Variants in SEPTIN3 observed in about 807,000 individuals in gnomAD.
The protein encoded by SEPTIN3 is septin 3.
Under a neutral mutation model 45.1 loss-of-function variants are expected in SEPTIN3, and 15 were observed. The observed-to-expected ratio is 0.33, with a 90% CI of 0.22 to 0.51. The LOEUF is 0.51. Among genes scored for constraint, SEPTIN3 ranks in the 20% least tolerant of loss-of-function variants. The pLI, the probability that SEPTIN3 is intolerant of heterozygous loss-of-function variation, is 0.97. For synonymous variants in SEPTIN3, 148 were observed against 164.8 expected (o/e 0.90, Z 0.78); for missense variants, 289 against 457.2 (o/e 0.63, Z 3.35).
intron 3 of SEPTIN3, 45 bp downstream of exon 3, chr22:41,981,881 A>G (rs753752936): frequency 1.9e-6 from 3 of 1,553,712 alleles, no homozygotes; most frequent in Non-Finnish European, 2.7e-6. Flanking sequence ...GGCGGGCAGC[A>G]CCAAGGATCC....
chr22:41,995,321 G>A, intron 11 of SEPTIN3: 1 of 990,100 alleles, frequency 1.0e-6, no homozygotes, highest in Non-Finnish European at 1.2e-6. Flanking sequence ...AGAGAAGTAG[G>A]CCAGAGCTGG....
chr22:41,987,815 C>G, intron 6 of SEPTIN3, 56 bp downstream of exon 6: 2 of 1,562,548 alleles, frequency 1.3e-6, no homozygotes, highest in Non-Finnish European at 1.7e-6. Context: ...ATCATCTGTG[C>G]CCATCTGGAT....
intron 2 of SEPTIN3, among the ~76,000 whole-genome samples, chr22:41,973,714 C>G (rs777751121): frequency 6.6e-6 from 1 of 151,732 alleles, no homozygotes; most frequent in African/African-American, 2.4e-5. Context: ...GGCACAGTGG[C>G]GCACACCTGT....
intron 2 of SEPTIN3, among the ~76,000 whole-genome samples, chr22:41,974,097 G>A (rs930221982): frequency 6.6e-6 from 1 of 151,534 alleles, no homozygotes; most frequent in African/African-American, 2.4e-5. Context: ...AGGAGGTCGA[G>A]GCTGCAGTGA....
chr22:41,987,527 G>A, intron 5 of SEPTIN3, 95 bp from the exon 6 acceptor site: 1 of 1,439,038 alleles, frequency 6.9e-7, no homozygotes. Flanking sequence ...ACCAGGGAAT[G>A]ACATGAATGT....
At chr22:41,991,881 C>CA (rs2078323686) in intron 8 of SEPTIN3, among the ~76,000 whole-genome samples, 3 of 152,176 alleles carry the variant, frequency 2.0e-5, no homozygotes, top group Admixed American at 2.0e-4. Flanking sequence ...CTTCTATCCC[C>CA]AGACCACATA....
intron 3 of SEPTIN3, 157 bp downstream of exon 3, chr22:41,981,993 C>A: frequency 1.4e-6 from 1 of 711,796 alleles, no homozygotes; most frequent in African/African-American, 1.8e-5. Context: ...TGACCCCTGT[C>A]TCCCCTTAAG....
chr22:41,970,880 C>G (rs562795582), intron 1 of SEPTIN3, among the ~76,000 whole-genome samples: 1 of 152,328 alleles, frequency 6.6e-6, no homozygotes, highest in African/African-American at 2.4e-5. Context: ...TCCTCACCTT[C>G]TCCAGGGCTG....
At chr22:41,989,462 T>G in intron 6 of SEPTIN3, 105 bp from the exon 7 acceptor site, 1 of 760,360 alleles carries the variant, frequency 1.3e-6, no homozygotes, top group Admixed American at 1.9e-5. Context: ...CTCAGCCAGA[T>G]GCCCAGCCCA....
At chr22:41,990,301 G>T (rs1187251662) in intron 7 of SEPTIN3, among the ~76,000 whole-genome samples, 2 of 151,236 alleles carry the variant, frequency 1.3e-5, no homozygotes, top group African/African-American at 4.9e-5. Context: ...TGATCTGCCC[G>T]CCTCGGCCTC....
Position 41,981,771 on chromosome 22 carries a change from C to G in SEPTIN3, c.1631C>G (p.Thr544Ser), listed in dbSNP as rs1412740815. 9 of 1,613,970 alleles carry G rather than the reference C, an allele frequency of 5.6e-6. No individual in the cohort carries two copies. Among genetic ancestry groups the G allele is most frequent in the Admixed American group, 1.7e-5 (1 of 59,978 alleles). ...CTGCTGGGCTACATCGGCATCGACA[C>G]CATCATCGAGCAGATGCGCAAGAAG... Reference protein sequence around the residue: ...SNLLGYIGIDTIIEQMRKKTM... With the variant: ...SNLLGYIGIDSIIEQMRKKTM... The change falls in exon 3 of 12, where the codon ACC becomes AGC. Residue 544 changes from threonine (T) to serine (S), a missense_variant. Thr to Ser is a moderately conservative substitution (Grantham distance 58). This residue lies in a region of SEPTIN3 where 200 missense variants were observed against 315.1 expected (regional missense o/e 0.63). Coordinates refer to ENST00000644076, the MANE Select transcript of SEPTIN3 (RefSeq NM_001363845.2).
chr22:41,994,936 C>T lies in SEPTIN3; in HGVS notation c.2505+222C>T, dbSNP rs540108253. On this transcript the variant is annotated intron_variant, in intron 11 of 11. Transcript: ENST00000644076. The surrounding 1 kb of genome is among the most constrained non-coding windows in gnomAD (Gnocchi z 4.2). Reference sequence around the variant, plus strand: ...GTGTGTGTGTGTGACAGAGAGAGAGCGAGAGAGCCTGTGTGTGTGCATGCA... The same window carrying T: ...GTGTGTGTGTGTGACAGAGAGAGAGTGAGAGAGCCTGTGTGTGTGCATGCA... 1.1e-5 allele frequency: 15 copies of T among 1,416,284 alleles called. No homozygotes were observed. Among genetic ancestry groups the T allele is most frequent in the East Asian group, 3.3e-5 (1 of 30,168 alleles). The allele number at this position is 1,416,284 out of a possible 1,614,324, so 87.7% of individuals were successfully genotyped here. A position where few individuals can be genotyped will look rare whatever the true frequency, so the allele number is the denominator to read the frequency against.
chr22:41,990,745 CAAAAA>C lies in SEPTIN3; in HGVS notation c.2164-809_2164-805del, dbSNP rs71184855. Among the ~76,000 whole-genome samples the C allele has an allele frequency of 1.6e-3, 159 of 96,514 alleles. 2 individuals are homozygous for C. Among genetic ancestry groups the C allele is most frequent in the Middle Eastern group, 7.4e-3 (1 of 136 alleles). The allele number at this position is 96,514 out of a possible 152,430, so 63.3% of individuals were successfully genotyped here. A position where few individuals can be genotyped will look rare whatever the true frequency, so the allele number is the denominator to read the frequency against. ...TGGGCGACAAAGTGACACTCTATCT[CAAAAA>C]AAAAAAAAAAAAAAAAAAGAAACTT... On this transcript the variant is annotated intron_variant, in intron 7 of 11. Coordinates refer to ENST00000644076, the MANE Select transcript of SEPTIN3 (RefSeq NM_001363845.2).
intron 4 of SEPTIN3, among the ~76,000 whole-genome samples, chr22:41,986,471 C>T (rs954980751): frequency 3.3e-5 from 5 of 152,058 alleles, no homozygotes; most frequent in African/African-American, 1.2e-4. Context: ...TTGGTCAACA[C>T]AGTGAAACCC....
Position 41,994,433 on chromosome 22 carries a change from G to A in SEPTIN3, c.2411+92G>A. On this transcript the variant is annotated intron_variant, in intron 10 of 11. Transcript: ENST00000644076. The surrounding 1 kb of genome is among the most constrained non-coding windows in gnomAD (Gnocchi z 4.2). Reference sequence around the variant, plus strand: ...TCAGATTCACCTCCTGCATCTCCAGGTCTCTCTGACAGAGCTTTCTGCCCC... The same window carrying A: ...TCAGATTCACCTCCTGCATCTCCAGATCTCTCTGACAGAGCTTTCTGCCCC... 1 of 1,518,882 alleles carries A rather than the reference G, an allele frequency of 6.6e-7. No individual in the cohort carries two copies. The highest frequency in any genetic ancestry group is 1.4e-5 in the African/African-American group (1 of 73,042). The allele number at this position is 1,518,882 out of a possible 1,614,324, so 94.1% of individuals were successfully genotyped here.
At position 41,994,953 on chromosome 22, in the gene SEPTIN3, G is replaced by A. The variant is rs1346364268; in HGVS notation, c.2505+239G>A. On this transcript the variant is annotated intron_variant, in intron 11 of 11. Transcript: ENST00000644076. This position sits in a 1 kb window ranked among gnomAD's most constrained non-coding sequence, Gnocchi z 4.2. ...AGAGAGAGCGAGAGAGCCTGTGTGT[G>A]TGCATGCAGGGGTGAGGTATTTTCA... 3 of 1,419,336 alleles carry A rather than the reference G, an allele frequency of 2.1e-6. No individual in the cohort carries two copies. The highest frequency in any genetic ancestry group is 2.8e-6 in the Non-Finnish European group (3 of 1,085,900). 87.9% of individuals were successfully genotyped at this position (1,419,336 alleles called of 1,614,324 possible). A position where few individuals can be genotyped will look rare whatever the true frequency, so the allele number is the denominator to read the frequency against.
rs1220724459 is a variant in SEPTIN3, at chr22:41,998,059, AG to A, written c.*1093del. The stretch of plus-strand genomic sequence containing the variant: ...AAGAGGCCCACGCCTAGGGGATGCA[AG>A]AACAACCCGTTTCTTAAATGTTACC... On this transcript the variant is annotated 3_prime_UTR_variant, in exon 12 of 12. Coordinates refer to ENST00000644076, the MANE Select transcript of SEPTIN3 (RefSeq NM_001363845.2). 6.5e-6 allele frequency: 1 copy of A among 152,696 alleles called. No individual in the cohort carries two copies. The highest frequency in any genetic ancestry group is 1.5e-5 in the Non-Finnish European group (1 of 68,046). 9.5% of individuals were successfully genotyped at this position (152,696 alleles called of 1,614,324 possible).
intron 9 of SEPTIN3, among the ~76,000 whole-genome samples, chr22:41,992,974 T>A (rs1365252462): frequency 6.6e-6 from 1 of 152,192 alleles, no homozygotes; most frequent in Non-Finnish European, 1.5e-5. Flanking sequence ...TGGGTGGCAC[T>A]GACTTAGCGC....
intron 2 of SEPTIN3, among the ~76,000 whole-genome samples, chr22:41,974,973 C>T (rs1402251875): frequency 1.3e-5 from 2 of 151,768 alleles, no homozygotes; most frequent in Non-Finnish European, 2.9e-5. Flanking sequence ...CTGCAGCCTC[C>T]TCTGGATGTG....
Sources: allele counts gnomAD v4.1 joint callset (sites outside exome capture counted in the v4.1 genomes callset), GRCh38; gene constraint gnomAD v4.1.1; regional missense constraint gnomAD v4.1.1; non-coding constraint Gnocchi (gnomAD v3.1); transcripts MANE v1.5; gene names NCBI Gene and HGNC (gene_info 2026-07-23, HGNC 2026-07-21).